Variants in SORL1 observed in about 807,000 individuals in gnomAD.
SORL1 encodes sortilin-related receptor.
In SORL1, 127 loss-of-function variants were observed where a neutral mutation model predicts 273.7. The ratio of observed to expected loss-of-function variants is 0.46; its 90% CI spans 0.40 to 0.54. The LOEUF is 0.54. SORL1 is among the 20% of genes least tolerant of loss of function. The pLI is 0.00. For missense variants in SORL1, 2,494 were observed against 2,846.1 expected, an observed-to-expected ratio of 0.88 and a Z score of 2.81; for synonymous variants, 1,031 against 1,067.4, an observed-to-expected ratio of 0.97 and a Z score of 0.66.
At chr11:121,622,360 G>A (rs985072733) in intron 45 of SORL1, 92 bp downstream of exon 45, 5 of 528,176 alleles carry the variant, frequency 9.5e-6, no homozygotes, top group Non-Finnish European at 1.5e-5. Context: ...GGCATAGATA[G>A]TGTAAAAAAA....
intron 12 of SORL1, among the ~76,000 whole-genome samples, chr11:121,539,057 A>G (rs1281540508): frequency 6.6e-6 from 1 of 152,234 alleles, no homozygotes; most frequent in East Asian, 1.9e-4. Flanking sequence ...ATCCCTATCC[A>G]GATCATTGAC....
In SORL1 at chr11:121,479,283, G is replaced by T. The variant is rs749956632; in HGVS notation, c.528+1040G>T. ...CTGCCAGTTGGGTAGCTCTTAGCTC[G>T]GAGAGTTGTATTTCGTTGCTTTCTT... On this transcript the variant is annotated intron_variant, in intron 3 of 47. Transcript: ENST00000260197. Among the ~76,000 whole-genome samples, 6 of 152,270 alleles carry T rather than the reference G, an allele frequency of 3.9e-5. No individual in the cohort carries two copies. In the South Asian group the frequency reaches 8.3e-4, roughly 21 times the overall value.
intron 41 of SORL1, among the ~76,000 whole-genome samples, chr11:121,615,990 T>C (rs1863633066): frequency 6.6e-6 from 1 of 152,196 alleles, no homozygotes. Context: ...GTCTGGCTAA[T>C]TTAACAGCCT....
intron 12 of SORL1, among the ~76,000 whole-genome samples, chr11:121,536,707 C>CTT (rs1862272545): frequency 6.6e-6 from 1 of 151,810 alleles, no homozygotes; most frequent in African/African-American, 2.4e-5. Flanking sequence ...CAAGCTTGGT[C>CTT]TTTATCACCT....
rs113396053 is a variant in SORL1, at chr11:121,607,504, A to T, written c.5166+214A>T. ...GCTTGACATCAGAGTTTCTGTAGAT[A>T]ACCGGGCGTTTATGGGAATGCCGCT... is the stretch of plus-strand genomic sequence containing the variant. On this transcript the variant is annotated intron_variant, in intron 37 of 47. Coordinates refer to ENST00000260197, the MANE Select transcript of SORL1 (RefSeq NM_003105.6). Among the ~76,000 whole-genome samples, 429 of 152,304 alleles carry T rather than the reference A, an allele frequency of 2.8e-3. 2 individuals are homozygous for T. The highest frequency in any genetic ancestry group is 3.9e-3 in the Non-Finnish European group (265 of 68,026).
At chr11:121,622,107 TAG>T (rs1863731213) in intron 44 of SORL1, 53 bp from the exon 45 acceptor site, 3 of 976,310 alleles carry the variant, frequency 3.1e-6, no homozygotes, top group Non-Finnish European at 3.2e-6. Context: ...GACAAGAAAA[TAG>T]AGTTTCAAAT....
In SORL1 at chr11:121,583,469, A is replaced by T; in HGVS notation, c.3592A>T (p.Thr1198Ser). ...DEANCTAIYH[T>S]CEASNFQCRN... Reference sequence around the variant, plus strand: ...CTTCTCTGTTACAGCCATCTATCACACCTGTGAGGCCTCCAACTTCCAGTG... The same window carrying T: ...CTTCTCTGTTACAGCCATCTATCACTCCTGTGAGGCCTCCAACTTCCAGTG... The change falls in exon 26 of 48, where the codon ACC becomes TCC. Residue 1198 changes from threonine to serine, a missense_variant. Thr to Ser is a moderately conservative substitution (Grantham distance 58). Transcript: ENST00000260197. 1.2e-6 allele frequency: 2 copies of T among 1,612,124 alleles called. No individual in the cohort carries two copies. The highest frequency in any genetic ancestry group is 1.7e-6 in the Non-Finnish European group (2 of 1,179,170).
intron 25 of SORL1, among the ~76,000 whole-genome samples, chr11:121,580,483 G>A (rs1451038949): frequency 6.7e-6 from 1 of 149,392 alleles, no homozygotes; most frequent in Admixed American, 6.6e-5. Context: ...ATTTCTGTTT[G>A]GTTCTTTTTC....
chr11:121,566,669 G>A (rs1862758850), intron 21 of SORL1: 1 of 373,502 alleles, frequency 2.7e-6, no homozygotes, highest in Non-Finnish European at 4.9e-6. Context: ...TTGTCTTTCA[G>A]TGACCCAATT....
intron 28 of SORL1, among the ~76,000 whole-genome samples, chr11:121,588,905 C>A (rs867544636): frequency 1.3e-5 from 2 of 152,128 alleles, no homozygotes; most frequent in Admixed American, 6.5e-5. Flanking sequence ...GGACACCAGG[C>A]CTATTAGATT....
chr11:121,587,996 T>G lies in SORL1; in HGVS notation c.3815-24T>G, dbSNP rs1298503875. The G allele has an allele frequency of 3.7e-6, 6 of 1,611,192 alleles. No individual in the cohort carries two copies. The South Asian group carries it at 6.6e-5, about 18-fold the overall frequency. Reference sequence around the variant, plus strand: ...AGCCAGCCGCAGTGCTCATGGCCTCTTCCCTTCTCTGGATCCCTTACAGAG... The same window carrying G: ...AGCCAGCCGCAGTGCTCATGGCCTCGTCCCTTCTCTGGATCCCTTACAGAG... On this transcript the variant is annotated intron_variant, in intron 27 of 47. Transcript: ENST00000260197.
chr11:121,513,580 A>G (rs758437913), intron 7 of SORL1, among the ~76,000 whole-genome samples: 6 of 152,214 alleles, frequency 3.9e-5, no homozygotes, highest in African/African-American at 7.2e-5. Context: ...TATAACATGA[A>G]GATGGATAGG....
At chr11:121,472,720 T>C (rs1861190380) in intron 2 of SORL1, among the ~76,000 whole-genome samples, 1 of 152,076 alleles carries the variant, frequency 6.6e-6, no homozygotes, top group Admixed American at 6.5e-5. Flanking sequence ...AAATGGGAGA[T>C]AGAGCCGAGG....
intron 8 of SORL1, 30 bp downstream of exon 8, chr11:121,514,351 T>C (rs774872116): frequency 1.4e-5 from 22 of 1,590,566 alleles, no homozygotes. Context: ...TTCTCCTGCC[T>C]TCTTAGGCCA....
At chr11:121,548,763 TG>T (rs1297609086) in intron 14 of SORL1, among the ~76,000 whole-genome samples, 1 of 151,994 alleles carries the variant, frequency 6.6e-6, no homozygotes, top group Non-Finnish European at 1.5e-5. Context: ...GACGGGGTTT[TG>T]CCATGTTGCC....
At position 121,532,544 on chromosome 11, in the gene SORL1, C is replaced by T. The variant is rs760292712; in HGVS notation, c.1677C>T (p.Asn559=). The T allele has an allele frequency of 6.1e-5, 98 of 1,613,796 alleles. 2 individuals carry two copies. Among genetic ancestry groups the T allele is most frequent in the South Asian group, 4.2e-4 (38 of 91,074 alleles). The part of the protein sequence containing the change: ...ITAIAQGMET[N]ELKYSTNEGE... ...CCATTGCCCAGGGCATGGAAACCAA[C>T]GAGCTAAAGTAAGTGTCTCTGATGA... is the stretch of plus-strand genomic sequence containing the variant. The change falls in exon 12 of 48, where the codon AAC becomes AAT. Residue 559 remains asparagine, a synonymous_variant. Coordinates refer to ENST00000260197, the MANE Select transcript of SORL1 (RefSeq NM_003105.6).
chr11:121,480,463 T>C (rs1049266819), intron 3 of SORL1, among the ~76,000 whole-genome samples: 1 of 152,080 alleles, frequency 6.6e-6, no homozygotes, highest in African/African-American at 2.4e-5. Context: ...TTACACATTG[T>C]CTCAGAGCTC....
rs532790077 is a variant in SORL1 at position 121,633,587 on chromosome 11, G to A, written c.*4024G>A. The stretch of plus-strand genomic sequence containing the variant: ...TCCAAGTCACTGAAATCTGCTGAAG[G>A]TTTTACTGTATTGTTGCACAACTTT... On this transcript the variant is annotated 3_prime_UTR_variant, in exon 48 of 48. Coordinates refer to ENST00000260197, the MANE Select transcript of SORL1 (RefSeq NM_003105.6). 6.6e-6 allele frequency: 1 copy of A among 152,248 alleles called. No homozygotes were observed. The highest frequency in any genetic ancestry group is 1.5e-5 in the Non-Finnish European group (1 of 68,014). The allele number at this position is 152,248 out of a possible 1,614,324, so 9.4% of individuals were successfully genotyped here. A position where few individuals can be genotyped will look rare whatever the true frequency, so the allele number is the denominator to read the frequency against.
intron 1 of SORL1, among the ~76,000 whole-genome samples, chr11:121,464,875 C>T (rs116218498): frequency 9.7e-4 from 148 of 152,296 alleles, no homozygotes; most frequent in African/African-American, 3.4e-3. Flanking sequence ...CTGTATGACT[C>T]ATTCTAGCTG....
Sources: allele counts gnomAD v4.1 joint callset (sites outside exome capture counted in the v4.1 genomes callset), GRCh38; gene constraint gnomAD v4.1.1; transcripts MANE v1.5; gene names NCBI Gene and HGNC (gene_info 2026-07-23, HGNC 2026-07-21).